The following FGF12 variants were observed in gnomAD, a reference collection of about 807,000 sequenced individuals.
FGF12 encodes the protein fibroblast growth factor 12B.
Under a neutral mutation model 23.6 loss-of-function variants are expected in FGF12, and 14 were observed. The ratio of observed to expected loss-of-function variants is 0.59; its 90% CI spans 0.39 to 0.93. The LOEUF (loss-of-function observed/expected upper bound fraction) is 0.93. Among genes scored for constraint, FGF12 ranks in the 40% least tolerant of loss-of-function variants. The pLI is 0.00. For synonymous variants in FGF12, 62 were observed against 77.3 expected, an observed-to-expected ratio of 0.80 and a Z score of 1.04; for missense variants, 175 against 217.8, an observed-to-expected ratio of 0.80 and a Z score of 1.24.
At chr3:192,489,396 T>C (rs1723733607) in intron 2 of FGF12, among the ~76,000 whole-genome samples, 1 of 152,068 alleles carries the variant, frequency 6.6e-6, no homozygotes, top group Non-Finnish European at 1.5e-5. Context: ...CCGTCATTGC[T>C]ATAGAAGACC....
At chr3:192,678,788 C>T (rs1016493907) in intron 2 of FGF12, among the ~76,000 whole-genome samples, 2 of 152,146 alleles carry the variant, frequency 1.3e-5, no homozygotes, top group African/African-American at 2.4e-5. Flanking sequence ...GAGAGCCAGC[C>T]CAGGCCCAGC....
At chr3:192,498,717 A>C (rs1167007733) in intron 2 of FGF12, among the ~76,000 whole-genome samples, 2 of 152,208 alleles carry the variant, frequency 1.3e-5, no homozygotes, top group Non-Finnish European at 2.9e-5. Flanking sequence ...AGCCTTTAAT[A>C]ATAGAAGTCA....
chr3:192,543,688 C>T (rs75184885), intron 2 of FGF12, among the ~76,000 whole-genome samples: 1 of 152,062 alleles, frequency 6.6e-6, no homozygotes, highest in African/African-American at 2.4e-5. Flanking sequence ...GCTACCACTG[C>T]TGAAAGTTCA....
chr3:192,679,462 G>A (rs1272062270), intron 2 of FGF12, among the ~76,000 whole-genome samples: 1 of 152,100 alleles, frequency 6.6e-6, no homozygotes, highest in Non-Finnish European at 1.5e-5. Flanking sequence ...GTCAGGTGTG[G>A]TGGTGCATGC....
At chr3:192,445,452 T>G (rs775552935) in intron 2 of FGF12, among the ~76,000 whole-genome samples, 2 of 152,226 alleles carry the variant, frequency 1.3e-5, no homozygotes, top group Non-Finnish European at 2.9e-5. Flanking sequence ...ACTAGTTTTT[T>G]ATAGCCCAGC....
At chr3:192,709,647 A>C (rs1352006301) in intron 2 of FGF12, among the ~76,000 whole-genome samples, 1 of 152,124 alleles carries the variant, frequency 6.6e-6, no homozygotes, top group African/African-American at 2.4e-5. Context: ...CCAAGTTAAG[A>C]CTCTATTATG....
chr3:192,633,435 C>T (rs193045926), intron 2 of FGF12, among the ~76,000 whole-genome samples: 16 of 152,206 alleles, frequency 1.1e-4, no homozygotes, highest in Admixed American at 7.2e-4. Flanking sequence ...CAAATAAGAT[C>T]GCATCCTTAG....
intron 2 of FGF12, among the ~76,000 whole-genome samples, chr3:192,453,410 C>T (rs1317257496): frequency 6.6e-6 from 1 of 151,714 alleles, no homozygotes; most frequent in Admixed American, 6.6e-5. Flanking sequence ...ATATGAAGTT[C>T]TTGGTTCTTG....
intron 2 of FGF12, among the ~76,000 whole-genome samples, chr3:192,627,188 G>C (rs1000901873): frequency 6.6e-6 from 1 of 151,994 alleles, no homozygotes. Context: ...AGTAGCATAG[G>C]AGTCAGATAT....
chr3:192,190,726 C>T (rs1192622924), intron 4 of FGF12, among the ~76,000 whole-genome samples: 2 of 152,056 alleles, frequency 1.3e-5, no homozygotes, highest in Admixed American at 6.5e-5. Flanking sequence ...CCGCCCACCT[C>T]GGCCTCCCAA....
At chr3:192,299,343 G>C (rs1294246786) in intron 4 of FGF12, among the ~76,000 whole-genome samples, 1 of 152,142 alleles carries the variant, frequency 6.6e-6, no homozygotes, top group Non-Finnish European at 1.5e-5. Flanking sequence ...GAGAAATTCT[G>C]GATGAGATTG....
intron 2 of FGF12, among the ~76,000 whole-genome samples, chr3:192,551,992 T>G (rs1350563222): frequency 1.3e-5 from 2 of 152,062 alleles, no homozygotes; most frequent in East Asian, 3.8e-4. Context: ...TAGAGATATA[T>G]ATGTAGAGAT....
intron 2 of FGF12, among the ~76,000 whole-genome samples, chr3:192,546,075 A>C (rs1725487305): frequency 6.6e-6 from 1 of 152,226 alleles, no homozygotes; most frequent in African/African-American, 2.4e-5. Flanking sequence ...AATGAGGGAC[A>C]GAGTGGTGTG....
At chr3:192,277,413 G>T (rs968432345) in intron 4 of FGF12, among the ~76,000 whole-genome samples, 10 of 152,290 alleles carry the variant, frequency 6.6e-5, no homozygotes, top group African/African-American at 2.2e-4. Flanking sequence ...ATGCATAACT[G>T]CTGTGATTGC....
chr3:192,378,802 T>C (rs778928240), intron 2 of FGF12, among the ~76,000 whole-genome samples: 81 of 152,262 alleles, frequency 5.3e-4, no homozygotes, highest in Middle Eastern at 3.4e-3. Context: ...TGCAGGTTTT[T>C]TATACAGGTA....
chr3:192,540,360 A>AT (rs1725336269), intron 2 of FGF12, among the ~76,000 whole-genome samples: 1 of 151,706 alleles, frequency 6.6e-6, no homozygotes, highest in East Asian at 1.9e-4. Context: ...TTGTTTCAAG[A>AT]TTTTTTTCAA....
intron 3 of FGF12, among the ~76,000 whole-genome samples, chr3:192,354,139 T>C (rs1471182969): frequency 1.3e-5 from 2 of 152,184 alleles, no homozygotes; most frequent in Admixed American, 6.5e-5. Flanking sequence ...TTTCTGAAAA[T>C]CAGACACAGA....
intron 4 of FGF12, among the ~76,000 whole-genome samples, chr3:192,328,982 G>A (rs913912374): frequency 2.0e-5 from 3 of 152,158 alleles, no homozygotes; most frequent in African/African-American, 7.2e-5. Flanking sequence ...TTTGATCAAT[G>A]TAATCATAGT....
chr3:192,666,685 A>T (rs1716883027), intron 2 of FGF12, among the ~76,000 whole-genome samples: 1 of 152,224 alleles, frequency 6.6e-6, no homozygotes. Context: ...AAACTAAGAA[A>T]GGGAAAGAGG....
Sources: allele counts gnomAD v4.1 joint callset (sites outside exome capture counted in the v4.1 genomes callset), GRCh38; gene constraint gnomAD v4.1.1; transcripts MANE v1.5; gene names NCBI Gene and HGNC (gene_info 2026-07-23, HGNC 2026-07-21).